The following TRAPPC2 variants were observed in gnomAD, a reference collection of about 807,000 sequenced individuals.
TRAPPC2 encodes the protein sedlin.
A neutral mutation model predicts 10.0 loss-of-function variants in TRAPPC2; 4 were observed. The ratio of observed to expected loss-of-function variants is 0.40; its 90% CI spans 0.20 to 0.92. The LOEUF is 0.92. TRAPPC2 is among the 40% of genes least tolerant of loss of function. TRAPPC2 has a pLI of 0.35. For missense variants in TRAPPC2, 52 were observed against 108.7 expected (o/e 0.48, Z 2.32); for synonymous variants, 36 against 37.3 (o/e 0.97, Z 0.12).
At chrX:13,720,261 A>G (rs924617414) in intron 2 of TRAPPC2, 1 of 173,194 alleles carries the variant, frequency 5.8e-6, no homozygotes, top group Non-Finnish European at 1.1e-5. Flanking sequence ...CATGATCTGA[A>G]AATATGGCTC....
At chrX:13,733,647 A>C (rs148892043) in intron 2 of TRAPPC2, among the ~76,000 whole-genome samples, 2,003 of 112,045 alleles carry the variant, frequency 0.018, 40 homozygotes, top group African/African-American at 0.062. Flanking sequence ...CTGACATCCA[A>C]TTCTGTCCTC....
chrX:13,714,329 A>T lies in TRAPPC2; in HGVS notation c.*78T>A. On this transcript the variant is annotated 3_prime_UTR_variant, in exon 6 of 6. Coordinates refer to ENST00000380579, the MANE Select transcript of TRAPPC2 (RefSeq NM_001011658.4). ...TACACAAAAGTTTTCCAGGCTATTTAATCAAGTAACTTACAATGTACACAT... is the reference window on the plus strand; with the variant it reads ...TACACAAAAGTTTTCCAGGCTATTTTATCAAGTAACTTACAATGTACACAT... The T allele has an allele frequency of 1.6e-6, 1 of 612,388 alleles. No individual in the cohort carries two copies. Among genetic ancestry groups the T allele is most frequent in the Non-Finnish European group, 2.4e-6 (1 of 409,977 alleles). 50.5% of individuals were successfully genotyped at this position (612,388 alleles called of 1,213,427 possible).
chrX:13,725,771 A>G (rs1004193936), intron 2 of TRAPPC2, among the ~76,000 whole-genome samples: 1 of 112,512 alleles, frequency 8.9e-6, no homozygotes, highest in Non-Finnish European at 1.9e-5. Flanking sequence ...ATGAGTTGAC[A>G]GAATGAGGCT....
In TRAPPC2 at chrX:13,722,891, A is replaced by G. The variant is rs190192760; in HGVS notation, c.-19-2909T>C. The stretch of plus-strand genomic sequence containing the variant: ...ATCCTGGCTAACATGGTGAAACCCC[A>G]TCTCTACTAAAAATACAAAAAATTA... On this transcript the variant is annotated intron_variant, in intron 2 of 5. Coordinates refer to ENST00000380579, the MANE Select transcript of TRAPPC2 (RefSeq NM_001011658.4). Among the ~76,000 whole-genome samples, 246 of 110,802 alleles carry G rather than the reference A, an allele frequency of 2.2e-3. 1 individual carries two copies. Among genetic ancestry groups the G allele is most frequent in the African/African-American group, 7.6e-3 (230 of 30,456 alleles).
At chrX:13,728,853 C>T (rs1383623460) in intron 2 of TRAPPC2, among the ~76,000 whole-genome samples, 1 of 111,940 alleles carries the variant, frequency 8.9e-6, no homozygotes, top group East Asian at 2.8e-4. Context: ...TAGAAAACCC[C>T]ATGGTCTCAG....
chrX:13,729,507 C>T, intron 2 of TRAPPC2, among the ~76,000 whole-genome samples: 1 of 112,404 alleles, frequency 8.9e-6, no homozygotes, highest in African/African-American at 3.2e-5. Flanking sequence ...GAAAGGATTC[C>T]CTATTTAATA....
intron 2 of TRAPPC2, among the ~76,000 whole-genome samples, chrX:13,732,236 G>A (rs993045335): frequency 8.9e-6 from 1 of 111,858 alleles, no homozygotes; most frequent in African/African-American, 3.3e-5. Context: ...AACTCTGTGT[G>A]TTACAGGGGA....
chrX:13,731,616 C>G (rs779566001), intron 2 of TRAPPC2, among the ~76,000 whole-genome samples: 4 of 111,732 alleles, frequency 3.6e-5, no homozygotes, highest in Non-Finnish European at 5.6e-5. Flanking sequence ...CCATTCGTCT[C>G]ATTCACTATG....
chrX:13,731,612 G>A (rs1287616967), intron 2 of TRAPPC2, among the ~76,000 whole-genome samples: 2 of 111,580 alleles, frequency 1.8e-5, no homozygotes, highest in Non-Finnish European at 3.8e-5. Flanking sequence ...TACACCATTC[G>A]TCTCATTCAC....
intron 2 of TRAPPC2, among the ~76,000 whole-genome samples, chrX:13,726,585 T>TA (rs1394479162): frequency 9.0e-6 from 1 of 111,665 alleles, no homozygotes; most frequent in Admixed American, 9.5e-5. Flanking sequence ...AGGCCTGCCT[T>TA]ACAAGAGCTC....
rs917411260 is a variant in TRAPPC2 at position 13,734,551 on chromosome X, C to G, written c.-188G>C. The G allele has an allele frequency of 7.6e-6, 3 of 392,789 alleles. No individual in the cohort carries two copies. In the Admixed American group the frequency reaches 2.0e-4, roughly 26 times the overall value. The allele number at this position is 392,789 out of a possible 1,213,427, so 32.4% of individuals were successfully genotyped here. ...TGCAGTGGGAGGCCGACAACGGAAA[C>G]GCAATGTCAGTTTCCGCGGAAGAGA... On this transcript the variant is annotated 5_prime_UTR_variant, in exon 1 of 6. Coordinates refer to ENST00000380579, the MANE Select transcript of TRAPPC2 (RefSeq NM_001011658.4).
intron 1 of TRAPPC2, 54 bp from the exon 2 acceptor site, chrX:13,734,239 T>G (rs2046754830): frequency 2.6e-6 from 1 of 391,408 alleles, no homozygotes; most frequent in African/African-American, 2.6e-5. Flanking sequence ...CAGGACAGCC[T>G]CCCAAAACAA....
intron 2 of TRAPPC2, among the ~76,000 whole-genome samples, chrX:13,724,001 G>T (rs2046485202): frequency 8.9e-6 from 1 of 112,094 alleles, no homozygotes; most frequent in Non-Finnish European, 1.9e-5. Context: ...TCAGGGGGAA[G>T]TGACAGAAGA....
In TRAPPC2 at chrX:13,714,143, GAAAAA is replaced by G. The variant is rs1057515794; in HGVS notation, c.*259_*263del. ...GGCAACAGAGTGAGACTCTGTATCA[GAAAAA>G]AAAAAAAAAAAAAAACATGATTATT... On this transcript the variant is annotated 3_prime_UTR_variant, in exon 6 of 6. Transcript: ENST00000380579. 3 of 62,722 alleles carry G rather than the reference GAAAAA, an allele frequency of 4.8e-5. No homozygotes were observed. Among genetic ancestry groups the G allele is most frequent in the Non-Finnish European group, 8.6e-5 (3 of 34,972 alleles). 5.2% of individuals were successfully genotyped at this position (62,722 alleles called of 1,213,427 possible).
intron 2 of TRAPPC2, among the ~76,000 whole-genome samples, chrX:13,732,167 ATAT>A (rs2046689162): frequency 8.9e-6 from 1 of 111,955 alleles, no homozygotes; most frequent in Non-Finnish European, 1.9e-5. Flanking sequence ...CTCTTCAATA[ATAT>A]TATCATCTTT....
intron 2 of TRAPPC2, among the ~76,000 whole-genome samples, chrX:13,723,403 A>G (rs1406839687): frequency 9.1e-6 from 1 of 110,182 alleles, no homozygotes; most frequent in Non-Finnish European, 1.9e-5. Context: ...CCTGGCCTCA[A>G]GTGATCTGCC....
chrX:13,721,790 G>C (rs2046413407), intron 2 of TRAPPC2: 1 of 106,520 alleles, frequency 9.4e-6, no homozygotes, highest in Admixed American at 1.0e-4. Context: ...GGGTGGAGGG[G>C]TGGGGGACTA....
chrX:13,731,388 C>T (rs1000055734), intron 2 of TRAPPC2, among the ~76,000 whole-genome samples: 2 of 112,229 alleles, frequency 1.8e-5, no homozygotes, highest in Admixed American at 1.9e-4. Flanking sequence ...TAATGTGAAT[C>T]CCTAGATAAA....
rs1334683240 is a variant in TRAPPC2, at chrX:13,714,135, CTG to C, written c.*270_*271del. Reference sequence around the variant, plus strand: ...TCCAGCCTGGCAACAGAGTGAGACTCTGTATCAGAAAAAAAAAAAAAAAAAAA... The same window carrying C: ...TCCAGCCTGGCAACAGAGTGAGACTCTATCAGAAAAAAAAAAAAAAAAAAA... On this transcript the variant is annotated 3_prime_UTR_variant, in exon 6 of 6. Coordinates refer to ENST00000380579, the MANE Select transcript of TRAPPC2 (RefSeq NM_001011658.4). The C allele has an allele frequency of 1.7e-5, 2 of 117,167 alleles. No homozygotes were observed. The highest frequency in any genetic ancestry group is 2.9e-5 in the Non-Finnish European group (2 of 68,214). The allele number at this position is 117,167 out of a possible 1,213,427, so 9.7% of individuals were successfully genotyped here. A position where few individuals can be genotyped will look rare whatever the true frequency, so the allele number is the denominator to read the frequency against.
Sources: gnomAD v4.1 joint callset for allele counts (sites outside exome capture counted in the v4.1 genomes callset) on GRCh38, gnomAD v4.1.1 for gene constraint, MANE v1.5 for transcripts, NCBI Gene and HGNC (gene_info 2026-07-23, HGNC 2026-07-21) for gene names.